MINK1: variants seen among roughly 807,000 people sequenced by gnomAD.
MINK1 encodes the protein misshapen like kinase 1, also known as misshapen-like kinase 1.
MINK1 carries 46 observed loss-of-function variants against 178.4 expected under a neutral mutation model. The observed-to-expected ratio is 0.26, with a 90% CI of 0.20 to 0.33. MINK1 has a LOEUF of 0.33. Ranked by LOEUF, MINK1 falls within the 10% of genes least tolerant of loss-of-function variation. The probability of loss-of-function intolerance (pLI) is 1.00; values close to 1 mark genes in which losing one functional copy is unlikely to be tolerated. For synonymous variants in MINK1, 797 were observed against 709.7 expected, an observed-to-expected ratio of 1.12 and a Z score of -1.96; for missense variants, 1,366 against 1,814.9, an observed-to-expected ratio of 0.75 and a Z score of 4.49.
intron 20 of MINK1, 123 bp downstream of exon 20, chr17:4,893,190 C>G: frequency 6.5e-7 from 1 of 1,540,598 alleles, no homozygotes; most frequent in Non-Finnish European, 8.9e-7. Flanking sequence ...GATGGAGGGA[C>G]TGGTGCTTCT....
At chr17:4,847,994 C>CTG (rs1911295814) in intron 1 of MINK1, among the ~76,000 whole-genome samples, 1 of 151,862 alleles carries the variant, frequency 6.6e-6, no homozygotes, top group Admixed American at 6.6e-5. Flanking sequence ...CCAGCCTGGG[C>CTG]AACATAGAGA....
rs141947109 is a variant in MINK1 at position 4,868,488 on chromosome 17, A to G, written c.58-9829A>G. On this transcript the variant is annotated intron_variant, in intron 1 of 31. Transcript: ENST00000355280. ...TTGAGACCAGCTCTTTCTAGTCTCC[A>G]TATATGAGAGAGTCCATGTAATGTC... 4.7e-3 allele frequency among the ~76,000 whole-genome samples: 712 copies of G among 152,166 alleles called. 6 individuals are homozygous for G. Among genetic ancestry groups the G allele is most frequent in the African/African-American group, 0.016 (681 of 41,502 alleles).
chr17:4,893,779 C>T (rs1258247761), intron 21 of MINK1, 182 bp downstream of exon 21: 8 of 1,007,940 alleles, frequency 7.9e-6, no homozygotes, highest in Non-Finnish European at 1.1e-5. Flanking sequence ...GGGGTGGCCT[C>T]TTCAAGTGCC....
At chr17:4,857,709 C>A (rs1196501252) in intron 1 of MINK1, among the ~76,000 whole-genome samples, 1 of 152,058 alleles carries the variant, frequency 6.6e-6, no homozygotes, top group Non-Finnish European at 1.5e-5. Context: ...CTCAGGCAAT[C>A]CGCCAGCCTT....
At position 4,895,503 on chromosome 17, in the gene MINK1, TGGTGAGTG is replaced by T. The variant is rs765059347; in HGVS notation, c.3229+13_3229+20del. On this transcript the variant is annotated intron_variant, in intron 26 of 31. Transcript: ENST00000355280. This position sits in a 1 kb window ranked among gnomAD's most constrained non-coding sequence, Gnocchi z 4.3. ...CTCATCACCATCTCAGGTACAGGTG[TGGTGAGTG>T]GGGGAGGGAGGAGGGGCTCAGCTCC... The T allele has an allele frequency of 4.5e-6, 7 of 1,568,230 alleles. No individual in the cohort carries two copies. Among genetic ancestry groups the T allele is most frequent in the Middle Eastern group, 1.7e-4 (1 of 5,824 alleles).
chr17:4,892,434 T>G lies in MINK1; in HGVS notation c.2120T>G (p.Leu707Arg), dbSNP rs1397690466. 7 of 1,558,354 alleles carry G rather than the reference T, an allele frequency of 4.5e-6. No individual in the cohort carries two copies. In the South Asian group the frequency reaches 7.1e-5, roughly 16 times the overall value. The change falls in exon 18 of 32, where the codon CTG (leucine) becomes CGG (arginine). Residue 707 changes from leucine (L) to arginine (R), a missense_variant. Leu to Arg is a moderately radical substitution (Grantham distance 102). Coordinates refer to ENST00000355280, the MANE Select transcript of MINK1 (RefSeq NM_153827.5). ...AGCAACTCCGCCTGGCAAATCTATCTGCAAAGGCGGGCAGAGCGGGGCACC... is the reference window on the plus strand; with the variant it reads ...AGCAACTCCGCCTGGCAAATCTATCGGCAAAGGCGGGCAGAGCGGGGCACC... ...PRSNSAWQIY[L>R]QRRAERGTPK... is the part of the protein sequence containing the mutation.
chr17:4,884,870 C>T (rs766429550), intron 5 of MINK1, 42 bp from the exon 6 acceptor site: 14 of 1,567,578 alleles, frequency 8.9e-6, no homozygotes, highest in Non-Finnish European at 1.2e-5. Context: ...TTTCCTACCC[C>T]ATCCAACACC....
chr17:4,837,903 T>C (rs553600742), intron 1 of MINK1, among the ~76,000 whole-genome samples: 1 of 152,308 alleles, frequency 6.6e-6, no homozygotes, highest in Admixed American at 6.5e-5. Context: ...TGTGTTGTTG[T>C]GTCTGTTCTT....
At chr17:4,864,523 G>A (rs1466368537) in intron 1 of MINK1, among the ~76,000 whole-genome samples, 1 of 151,746 alleles carries the variant, frequency 6.6e-6, no homozygotes. Flanking sequence ...TTAGGAGTTC[G>A]AGACCAGCCT....
At chr17:4,880,940 C>T (rs1313358454) in intron 2 of MINK1, 44 bp from the exon 3 acceptor site, 33 of 1,440,688 alleles carry the variant, frequency 2.3e-5, no homozygotes, top group Non-Finnish European at 2.7e-5. Flanking sequence ...GCCCTCTCTA[C>T]GCTCCACCCT....
intron 4 of MINK1, among the ~76,000 whole-genome samples, chr17:4,883,816 G>T (rs1374624660): frequency 6.6e-6 from 1 of 151,662 alleles, no homozygotes; most frequent in East Asian, 1.9e-4. Flanking sequence ...GGGATTACAG[G>T]AGTGAGCCTC....
At chr17:4,881,884 C>T (rs574017995) in intron 4 of MINK1, among the ~76,000 whole-genome samples, 3 of 152,268 alleles carry the variant, frequency 2.0e-5, no homozygotes, top group African/African-American at 7.2e-5. Context: ...GAGCCCAGTC[C>T]CTGAGGATGG....
At chr17:4,863,374 C>T (rs879361565) in intron 1 of MINK1, among the ~76,000 whole-genome samples, 4 of 152,226 alleles carry the variant, frequency 2.6e-5, no homozygotes, top group African/African-American at 4.8e-5. Flanking sequence ...ACTCTCCATG[C>T]ACTCTTTGGC....
chr17:4,895,376 A>C lies in MINK1; in HGVS notation c.3112A>C (p.Asn1038His), dbSNP rs750439873. 1 of 1,608,944 alleles carries C rather than the reference A, an allele frequency of 6.2e-7. No individual in the cohort carries two copies. The highest frequency in any genetic ancestry group is 8.5e-7 in the Non-Finnish European group (1 of 1,176,794). Reference sequence around the variant, plus strand: ...GGTCAACCTGCTGGTGGGCACGGAGAACGGGCTGATGTTGCTGGACCGAAG... The same window carrying C: ...GGTCAACCTGCTGGTGGGCACGGAGCACGGGCTGATGTTGCTGGACCGAAG... ...WGVNLLVGTE[N>H]GLMLLDRSGQ... Residue 1038 changes from asparagine to histidine, a missense_variant, in exon 26 of 32, where the codon AAC becomes CAC. By Grantham distance (68) the Asn-to-His change is moderately conservative (BLOSUM62 1). Transcript: ENST00000355280. The surrounding 1 kb of genome is among the most constrained non-coding windows in gnomAD (Gnocchi z 4.3).
intron 1 of MINK1, among the ~76,000 whole-genome samples, chr17:4,840,153 TGA>T (rs987440142): frequency 3.3e-5 from 5 of 152,134 alleles, no homozygotes; most frequent in African/African-American, 9.7e-5. Flanking sequence ...TCTAGTTGAT[TGA>T]GAGAGACGTA....
Position 4,889,663 on chromosome 17 carries a change from G to GGGAGCAGCGGAAGCTGCAGGAGAA in MINK1, c.1256_1279dup (p.Arg419_Gln426dup). 1 of 1,564,694 alleles carries GGGAGCAGCGGAAGCTGCAGGAGAA rather than the reference G, an allele frequency of 6.4e-7. No homozygotes were observed. Among genetic ancestry groups the GGGAGCAGCGGAAGCTGCAGGAGAA allele is most frequent in the Non-Finnish European group, 8.6e-7 (1 of 1,156,260 alleles). ...TCCCCACAGCAACAGCGGCGGGAGC[G>GGGAGCAGCGGAAGCTGCAGGAGAA]GGAGCAGCGGAAGCTGCAGGAGAAG... is the stretch of plus-strand genomic sequence containing the variant. On this transcript the variant is annotated inframe_insertion, in exon 13 of 32. Coordinates refer to ENST00000355280, the MANE Select transcript of MINK1 (RefSeq NM_153827.5).
At position 4,896,768 on chromosome 17, in the gene MINK1, C is replaced by T. The variant is rs1000153034; in HGVS notation, c.3870C>T (p.His1290=). The part of the protein sequence containing the change: ...ETGHLDGVFM[H]KRAQRLKFLC... ...GCCACCTCGACGGGGTCTTCATGCA[C>T]AAACGAGCTCAGAGGCTCAAGTTCC... Residue 1290 remains histidine (H), a synonymous_variant, in exon 31 of 32, where the codon CAC becomes CAT. Coordinates refer to ENST00000355280, the MANE Select transcript of MINK1 (RefSeq NM_153827.5). The surrounding 1 kb of genome is among the most constrained non-coding windows in gnomAD (Gnocchi z 4.6). 9 of 1,590,394 alleles carry T rather than the reference C, an allele frequency of 5.7e-6. No individual in the cohort carries two copies. Among genetic ancestry groups the T allele is most frequent in the African/African-American group, 1.3e-5 (1 of 74,340 alleles).
At position 4,891,504 on chromosome 17, in the gene MINK1, C is replaced by T; in HGVS notation, c.1789C>T (p.Pro597Ser). ...VPLKPYAAPV[P>S]RSQSLQDQPT... ...ACTGAAGCCATATGCAGCACCTGTACCCCGATCCCAGTCCCTGCAGGACCA... is the reference window on the plus strand; with the variant it reads ...ACTGAAGCCATATGCAGCACCTGTATCCCGATCCCAGTCCCTGCAGGACCA... The change falls in exon 16 of 32, where the codon CCC (proline) becomes TCC (serine). Residue 597 changes from proline to serine, a missense_variant. Physicochemically the swap from Pro to Ser is moderately conservative, Grantham distance 74. Around this residue, in one of 14 missense-constraint regions of MINK1, gnomAD observed 709 missense variants for 692.3 expected, o/e 1.02. Transcript: ENST00000355280. 4.3e-6 allele frequency: 7 copies of T among 1,610,998 alleles called. No individual in the cohort carries two copies. Among genetic ancestry groups the T allele is most frequent in the African/African-American group, 1.3e-5 (1 of 75,006 alleles).
intron 20 of MINK1, 23 bp from the exon 21 acceptor site, chr17:4,893,411 C>T (rs1011440969): frequency 8.8e-6 from 14 of 1,599,716 alleles, no homozygotes; most frequent in Non-Finnish European, 1.2e-5. Context: ...TCTCCCTGCC[C>T]CTCACGTGGC....
Sources: allele counts gnomAD v4.1 joint callset (sites outside exome capture counted in the v4.1 genomes callset), GRCh38; gene constraint gnomAD v4.1.1; regional missense constraint gnomAD v4.1.1; non-coding constraint Gnocchi (gnomAD v3.1); transcripts MANE v1.5; gene names NCBI Gene and HGNC (gene_info 2026-07-23, HGNC 2026-07-21).